HDAC11: variants seen among roughly 807,000 people sequenced by gnomAD.
HDAC11 encodes the protein histone deacetylase 11.
A neutral mutation model predicts 41.1 loss-of-function variants in HDAC11; 23 were observed. The observed-to-expected ratio is 0.56, with a 90% CI of 0.40 to 0.79. The LOEUF (loss-of-function observed/expected upper bound fraction) is 0.79. Among genes scored for constraint, HDAC11 ranks in the 30% least tolerant of loss-of-function variants. HDAC11 has a pLI of 0.00. For synonymous variants in HDAC11, 187 were observed against 186.6 expected (o/e 1.00, Z -0.02); for missense variants, 402 against 477.3 (o/e 0.84, Z 1.47).
chr3:13,485,624 A>G (rs573863547), intron 3 of HDAC11, among the ~76,000 whole-genome samples: 2 of 152,292 alleles, frequency 1.3e-5, no homozygotes, highest in South Asian at 4.1e-4. Flanking sequence ...ACTATGTGAT[A>G]TATAATAATA....
rs976180446 is a variant in HDAC11, at chr3:13,502,275, G to A, written c.552+342G>A. ...GCACTGCCCCCTGCCCAGAGCTGCT[G>A]AGCACTGGCCACCTGCCCCTCAGGC... On this transcript the variant is annotated intron_variant, in intron 7 of 9. Coordinates refer to ENST00000295757, the MANE Select transcript of HDAC11 (RefSeq NM_024827.4). This position sits in a 1 kb window ranked among gnomAD's most constrained non-coding sequence, Gnocchi z 4.1. 5 of 279,114 alleles carry A rather than the reference G, an allele frequency of 1.8e-5. No homozygotes were observed. Among genetic ancestry groups the A allele is most frequent in the Non-Finnish European group, 3.4e-5 (5 of 147,924 alleles). 17.3% of individuals were successfully genotyped at this position (279,114 alleles called of 1,614,324 possible). A position where few individuals can be genotyped will look rare whatever the true frequency, so the allele number is the denominator to read the frequency against.
chr3:13,486,241 TG>T (rs2125000732), intron 3 of HDAC11, among the ~76,000 whole-genome samples: 1 of 132,730 alleles, frequency 7.5e-6, no homozygotes, highest in Non-Finnish European at 1.5e-5. Context: ...CACTCCAGCT[TG>T]GGCAATAAGA....
At chr3:13,484,403 TAG>T (rs1701466153) in intron 3 of HDAC11, among the ~76,000 whole-genome samples, 1 of 152,214 alleles carries the variant, frequency 6.6e-6, no homozygotes, top group Non-Finnish European at 1.5e-5. Context: ...GGGCCGGTGG[TAG>T]AGTCTGAGGT....
Position 13,502,060 on chromosome 3 carries a change from G to C in HDAC11, c.552+127G>C. The C allele has an allele frequency of 1.3e-6, 1 of 748,364 alleles. No homozygotes were observed. Among genetic ancestry groups the C allele is most frequent in the East Asian group, 2.6e-5 (1 of 38,924 alleles). The allele number at this position is 748,364 out of a possible 1,614,324, so 46.4% of individuals were successfully genotyped here. ...TCACGGCTTCTGTCTTCTGTCTCTC[G>C]GGCTACAAATGCAGGGTCTGTCTTT... On this transcript the variant is annotated intron_variant, in intron 7 of 9. Transcript: ENST00000295757. This position sits in a 1 kb window ranked among gnomAD's most constrained non-coding sequence, Gnocchi z 4.1.
intron 3 of HDAC11, among the ~76,000 whole-genome samples, chr3:13,485,149 C>A (rs1356287342): frequency 6.6e-6 from 1 of 152,240 alleles, no homozygotes; most frequent in East Asian, 1.9e-4. Context: ...GTCATCCAGT[C>A]CAGTCTTCTA....
intron 5 of HDAC11, 33 bp downstream of exon 5, chr3:13,498,588 G>T: frequency 6.2e-7 from 1 of 1,602,674 alleles, no homozygotes; most frequent in Middle Eastern, 1.7e-4. Flanking sequence ...GGAATGTCCA[G>T]CCCGGCTTGG....
chr3:13,480,367 A>G lies in HDAC11; in HGVS notation c.2+18A>G. ...CCCGGGATGTGAGTGCCGCGGGGCG[A>G]GGGCGGGGGTGGGCTCCCAGGGGTC... On this transcript the variant is annotated intron_variant, in intron 1 of 9. Coordinates refer to ENST00000295757, the MANE Select transcript of HDAC11 (RefSeq NM_024827.4). This position sits in a 1 kb window ranked among gnomAD's most constrained non-coding sequence, Gnocchi z 4.6. 8.4e-7 allele frequency: 1 copy of G among 1,194,852 alleles called. No homozygotes were observed. 74.0% of individuals were successfully genotyped at this position (1,194,852 alleles called of 1,614,324 possible).
chr3:13,500,208 G>GTATCTAT (rs1702291206), intron 5 of HDAC11, among the ~76,000 whole-genome samples: 1 of 152,096 alleles, frequency 6.6e-6, no homozygotes, highest in South Asian at 2.1e-4. Flanking sequence ...TGCAGGGGAG[G>GTATCTAT]GGGTATCTAT....
chr3:13,483,892 CCT>C (rs1171133893), intron 3 of HDAC11, among the ~76,000 whole-genome samples: 1 of 152,080 alleles, frequency 6.6e-6, no homozygotes, highest in Non-Finnish European at 1.5e-5. Context: ...GACCCCAGCC[CCT>C]GTCCTCCAAC....
intron 3 of HDAC11, among the ~76,000 whole-genome samples, chr3:13,484,304 G>T (rs1701461495): frequency 6.6e-6 from 1 of 152,190 alleles, no homozygotes; most frequent in African/African-American, 2.4e-5. Context: ...TCTGGTCTAA[G>T]TACTTCTGCT....
rs1200168871 is a variant in HDAC11, at chr3:13,493,979, T to TG, written c.253-2751dup. ...GAGGGCAGGCAGATCTTCTGACATCTGGGGGGAGCAAAGTTAGAATGGAAT... is the reference window on the plus strand; with the variant it reads ...GAGGGCAGGCAGATCTTCTGACATCTGGGGGGGAGCAAAGTTAGAATGGAAT... On this transcript the variant is annotated intron_variant, in intron 3 of 9. Coordinates refer to ENST00000295757, the MANE Select transcript of HDAC11 (RefSeq NM_024827.4). Among the ~76,000 whole-genome samples the TG allele has an allele frequency of 8.5e-5, 13 of 152,326 alleles. No homozygotes were observed. The South Asian group carries it at 2.5e-3, about 29-fold the overall frequency.
intron 2 of HDAC11, 22 bp from the exon 3 acceptor site, chr3:13,483,442 G>T (rs185188806): frequency 6.2e-7 from 1 of 1,607,772 alleles, no homozygotes; most frequent in South Asian, 1.1e-5. Context: ...GGGGAAGCAG[G>T]ATGCTCCCTC....
intron 1 of HDAC11, 47 bp from the exon 2 acceptor site, chr3:13,481,199 C>T: frequency 6.3e-7 from 1 of 1,582,994 alleles, no homozygotes; most frequent in Admixed American, 1.7e-5. Flanking sequence ...GAGCTGCTTT[C>T]TGCCGAGGCT....
At chr3:13,488,135 A>G (rs1035387591) in intron 3 of HDAC11, among the ~76,000 whole-genome samples, 6 of 151,878 alleles carry the variant, frequency 4.0e-5, no homozygotes, top group African/African-American at 1.2e-4. Context: ...GACACAGACC[A>G]TAGCTCCATG....
In HDAC11 at chr3:13,481,319, A is replaced by T. The variant is rs750935116; in HGVS notation, c.76A>T (p.Ile26Phe). ...WPIVYSPRYN[I>F]TFMGLEKLHP... is the part of the protein sequence containing the mutation. Reference sequence around the variant, plus strand: ...AATCGTGTACTCGCCGCGCTACAACATCACCTTCATGGGCCTGGAGAAGCT... The same window carrying T: ...AATCGTGTACTCGCCGCGCTACAACTTCACCTTCATGGGCCTGGAGAAGCT... Residue 26 changes from isoleucine to phenylalanine, a missense_variant, in exon 2 of 10, where the codon ATC (isoleucine) becomes TTC (phenylalanine). Coordinates refer to ENST00000295757, the MANE Select transcript of HDAC11 (RefSeq NM_024827.4). 2 of 1,613,768 alleles carry T rather than the reference A, an allele frequency of 1.2e-6. No homozygotes were observed. The highest frequency in any genetic ancestry group is 1.7e-6 in the Non-Finnish European group (2 of 1,179,996).
chr3:13,485,866 C>T (rs1414857726), intron 3 of HDAC11, among the ~76,000 whole-genome samples: 1 of 152,006 alleles, frequency 6.6e-6, no homozygotes, highest in Non-Finnish European at 1.5e-5. Context: ...TCAGGTATGT[C>T]CACTGAAAAA....
At position 13,498,524 on chromosome 3, in the gene HDAC11, G is replaced by A; in HGVS notation, c.381G>A (p.Leu127=). 1 of 1,614,042 alleles carries A rather than the reference G, an allele frequency of 6.2e-7. No homozygotes were observed. The highest frequency in any genetic ancestry group is 8.5e-7 in the Non-Finnish European group (1 of 1,180,028). The stretch of plus-strand genomic sequence containing the variant: ...GCTTGTCTCCAAAGGCGGGGAAGCT[G>A]GCTGTGGAGCGAGGCTGGGCCATCA... The part of the protein sequence containing the change: ...QTGGTIMAGK[L]AVERGWAINV... Residue 127 remains leucine, a synonymous_variant, in exon 5 of 10, where the codon CTG becomes CTA. Coordinates refer to ENST00000295757, the MANE Select transcript of HDAC11 (RefSeq NM_024827.4).
chr3:13,496,335 G>C (rs1348586545), intron 3 of HDAC11, among the ~76,000 whole-genome samples: 1 of 152,278 alleles, frequency 6.6e-6, no homozygotes, highest in East Asian at 1.9e-4. Context: ...GAAGATCCTC[G>C]CTGCCTAGGC....
intron 3 of HDAC11, among the ~76,000 whole-genome samples, chr3:13,487,920 G>C (rs1701670455): frequency 1.3e-5 from 2 of 152,010 alleles, no homozygotes. Flanking sequence ...GGGGTGGGGA[G>C]AGCTGGTGAG....
Sources: allele counts gnomAD v4.1 joint callset (sites outside exome capture counted in the v4.1 genomes callset), GRCh38; gene constraint gnomAD v4.1.1; non-coding constraint Gnocchi (gnomAD v3.1); transcripts MANE v1.5; gene names NCBI Gene and HGNC (gene_info 2026-07-23, HGNC 2026-07-21).